LYST: variants seen among roughly 807,000 people sequenced by gnomAD.
LYST encodes the protein lysosomal trafficking regulator.
Under a neutral mutation model 413.6 loss-of-function variants are expected in LYST, and 192 were observed. That is an observed-to-expected ratio of 0.46 (90% CI 0.41 to 0.52). The LOEUF is 0.52. Ranked by LOEUF, LYST falls within the 20% of genes least tolerant of loss-of-function variation. The probability of loss-of-function intolerance (pLI) is 0.00; values close to 1 mark genes in which losing one functional copy is unlikely to be tolerated. For missense variants in LYST, 3,815 were observed against 4,499.9 expected, an observed-to-expected ratio of 0.85 and a Z score of 4.35; for synonymous variants, 1,525 against 1,567.3, an observed-to-expected ratio of 0.97 and a Z score of 0.64.
intron 40 of LYST, 102 bp from the exon 41 acceptor site, chr1:235,716,880 T>C: frequency 1.4e-6 from 1 of 698,640 alleles, no homozygotes; most frequent in Non-Finnish European, 2.6e-6. Flanking sequence ...GTCAACAAAA[T>C]GCTCCACCCT....
At chr1:235,810,915 G>A (rs547474137) in intron 4 of LYST, among the ~76,000 whole-genome samples, 5 of 152,218 alleles carry the variant, frequency 3.3e-5, no homozygotes, top group East Asian at 3.9e-4. Flanking sequence ...AGACTGAGGC[G>A]GGTGGGATCA....
intron 3 of LYST, among the ~76,000 whole-genome samples, chr1:235,815,460 T>A (rs1033530451): frequency 2.6e-5 from 4 of 152,064 alleles, no homozygotes; most frequent in Non-Finnish European, 4.4e-5. Flanking sequence ...GAAGAAGGAA[T>A]CCATGAAAAG....
chr1:235,832,222 T>C (rs1190573900), intron 2 of LYST, among the ~76,000 whole-genome samples: 2 of 152,222 alleles, frequency 1.3e-5, no homozygotes, highest in African/African-American at 4.8e-5. Flanking sequence ...GCACTGACAA[T>C]GTGAAAGTCT....
chr1:235,812,689 T>C (rs918499381), intron 4 of LYST, among the ~76,000 whole-genome samples: 6 of 152,186 alleles, frequency 3.9e-5, no homozygotes, highest in Admixed American at 6.5e-5. Context: ...TTTTCTGATG[T>C]TATGCTGCAC....
rs1403993351 is a variant in LYST at position 235,777,283 on chromosome 1, G to A, written c.5240C>T (p.Thr1747Ile). The A allele has an allele frequency of 7.4e-6, 12 of 1,612,554 alleles. No individual in the cohort carries two copies. The highest frequency in any genetic ancestry group is 1.0e-5 in the Non-Finnish European group (12 of 1,178,770). Residue 1747 changes from threonine (T) to isoleucine (I), a missense_variant, in exon 17 of 53, where the codon ACT becomes ATT. By Grantham distance (89) the Thr-to-Ile change is moderately conservative. Around this residue, in one of 4 missense-constraint regions of LYST, gnomAD observed 530 missense variants for 696.5 expected, o/e 0.76. Coordinates refer to ENST00000389793, the MANE Select transcript of LYST (RefSeq NM_000081.4). ...GATGGTATACTGAGCAGGACAGTAA[G>A]TTGTATAAACAACTGAAAGACTTTC... ...LIESLSVVYT[T>I]YCPAQYTIYE...
At position 235,741,500 on chromosome 1, in the gene LYST, C is replaced by G; in HGVS notation, c.8280G>C (p.Glu2760Asp). 6.2e-7 allele frequency: 1 copy of G among 1,614,132 alleles called. No homozygotes were observed. The highest frequency in any genetic ancestry group is 1.3e-5 in the African/African-American group (1 of 75,038). The change falls in exon 31 of 53, where the codon GAG becomes GAC. Residue 2760 changes from glutamate to aspartate, a missense_variant. Transcript: ENST00000389793. The part of the protein sequence containing the change: ...HILSPAHAAQ[E>D]RKQIFEIVHE... ...GAACTATTTCAAAAATTTGCTTTCT[C>G]TCTTGTGCAGCGTGGGCTGGCGACA...
At chr1:235,739,776 T>G (rs1296244589) in intron 31 of LYST, among the ~76,000 whole-genome samples, 1 of 152,200 alleles carries the variant, frequency 6.6e-6, no homozygotes, top group Non-Finnish European at 1.5e-5. Flanking sequence ...TTATCATCAG[T>G]GGCTGCTAAA....
chr1:235,722,647 C>T (rs930825077), intron 39 of LYST, among the ~76,000 whole-genome samples: 1 of 151,840 alleles, frequency 6.6e-6, no homozygotes, highest in African/African-American at 2.4e-5. Flanking sequence ...CACCATGCCC[C>T]GCTAATTTTT....
At chr1:235,800,031 A>C (rs896011103) in intron 10 of LYST, among the ~76,000 whole-genome samples, 7 of 124,642 alleles carry the variant, frequency 5.6e-5, no homozygotes, top group African/African-American at 1.9e-4. Context: ...ATCATGGCTC[A>C]CTGCAGCCTT....
intron 1 of LYST, among the ~76,000 whole-genome samples, chr1:235,846,841 C>A (rs577424805): frequency 2.0e-5 from 3 of 151,764 alleles, no homozygotes; most frequent in Non-Finnish European, 2.9e-5. Flanking sequence ...AAAAAGAATA[C>A]GAAAATATGA....
At chr1:235,725,155 C>T (rs759124516) in intron 38 of LYST, among the ~76,000 whole-genome samples, 4 of 152,172 alleles carry the variant, frequency 2.6e-5, no homozygotes, top group South Asian at 4.2e-4. Flanking sequence ...GGGAATAGGC[C>T]GGGTGCGGTG....
Position 235,746,998 on chromosome 1 carries a change from T to C in LYST, c.7781-471A>G, listed in dbSNP as rs142182628. Among the ~76,000 whole-genome samples, 9 of 152,316 alleles carry C rather than the reference T, an allele frequency of 5.9e-5. No individual in the cohort carries two copies. The East Asian group carries it at 1.7e-3, about 29-fold the overall frequency. On this transcript the variant is annotated intron_variant, in intron 28 of 52. Transcript: ENST00000389793. Reference sequence around the variant, plus strand: ...ACTGTGTATAGTGACAAAGTAGAAATCAGTCAATGAAAGTGAAGAGATCAG... The same window carrying C: ...ACTGTGTATAGTGACAAAGTAGAAACCAGTCAATGAAAGTGAAGAGATCAG...
intron 44 of LYST, 42 bp downstream of exon 44, chr1:235,709,049 C>A: frequency 1.4e-5 from 21 of 1,548,964 alleles, no homozygotes; most frequent in Non-Finnish European, 1.9e-5. Context: ...TATTCAGGTT[C>A]TATCTTATAT....
At chr1:235,848,809 C>T (rs1247697111) in intron 1 of LYST, among the ~76,000 whole-genome samples, 1 of 151,884 alleles carries the variant, frequency 6.6e-6, no homozygotes. Context: ...AAAATACAAC[C>T]CTCCTAGCTT....
intron 39 of LYST, among the ~76,000 whole-genome samples, chr1:235,723,227 G>C (rs1261788469): frequency 6.6e-6 from 1 of 152,192 alleles, no homozygotes; most frequent in Non-Finnish European, 1.5e-5. Context: ...GTTTTGTACA[G>C]GTTACGTTTG....
chr1:235,764,937 T>C (rs1667984066), intron 21 of LYST, among the ~76,000 whole-genome samples: 1 of 152,220 alleles, frequency 6.6e-6, no homozygotes, highest in South Asian at 2.1e-4. Context: ...AAAAACTGAT[T>C]ATTCCATCTT....
intron 48 of LYST, among the ~76,000 whole-genome samples, chr1:235,682,102 G>A (rs1659865390): frequency 6.6e-6 from 1 of 152,132 alleles, no homozygotes; most frequent in Admixed American, 6.5e-5. Context: ...TTGAGCCCAG[G>A]AGCTCGAGAA....
Position 235,709,116 on chromosome 1 carries a change from T to G in LYST, c.10118A>C (p.Gln3373Pro). Residue 3373 changes from glutamine (Q) to proline (P), a missense_variant, in exon 44 of 53, where the codon CAA becomes CCA. Transcript: ENST00000389793. ...GYKQKGKASVQAINVFHPATY... is the reference protein window; with the variant it reads ...GYKQKGKASVPAINVFHPATY... The stretch of plus-strand genomic sequence containing the variant: ...AGCAGGATGAAAAACATTGATCGCT[T>G]GAACAGAAGCCTTCCCCTTTTGCTT... 2 of 1,614,146 alleles carry G rather than the reference T, an allele frequency of 1.2e-6. No homozygotes were observed. Among genetic ancestry groups the G allele is most frequent in the Non-Finnish European group, 1.7e-6 (2 of 1,179,988 alleles).
At chr1:235,856,793 G>A (rs1016216407) in intron 1 of LYST, among the ~76,000 whole-genome samples, 1 of 152,066 alleles carries the variant, frequency 6.6e-6, no homozygotes, top group African/African-American at 2.4e-5. Context: ...AGAAATTCAG[G>A]AAATGGCAAA....
Sources: allele counts gnomAD v4.1 joint callset (sites outside exome capture counted in the v4.1 genomes callset), GRCh38; gene constraint gnomAD v4.1.1; regional missense constraint gnomAD v4.1.1; transcripts MANE v1.5; gene names NCBI Gene and HGNC (gene_info 2026-07-23, HGNC 2026-07-21).